SPMAP2: variants seen among roughly 807,000 people sequenced by gnomAD.
The protein encoded by SPMAP2 is Theg homolog.
the SPMAP2 span, among the ~76,000 whole-genome samples, chr19:370,722 C>T: frequency 1.9e-4 from 29 of 152,142 alleles, no homozygotes; most frequent in Admixed American, 7.2e-4. Context: ...GTGCCTGGAT[C>T]GGCAAATTCT....
the SPMAP2 span, among the ~76,000 whole-genome samples, chr19:364,173 A>G: frequency 1.3e-5 from 2 of 149,942 alleles, no homozygotes; most frequent in Non-Finnish European, 3.0e-5. Context: ...CTCTACTAAA[A>G]ATACAAAAAA....
the SPMAP2 span, chr19:374,184 T>A: frequency 6.6e-7 from 1 of 1,526,278 alleles, no homozygotes; most frequent in African/African-American, 1.4e-5. Context: ...GTTTGCTGGA[T>A]GTGGTGGCAG....
chr19:362,278 C>T, the SPMAP2 span: 1 of 1,599,530 alleles, frequency 6.3e-7, no homozygotes, highest in Non-Finnish European at 8.5e-7. Flanking sequence ...CGAGGGGACG[C>T]CTGTCGTATC....
At chr19:375,429 T>C in the SPMAP2 span, among the ~76,000 whole-genome samples, 4 of 152,296 alleles carry the variant, frequency 2.6e-5, no homozygotes, top group African/African-American at 9.6e-5. Flanking sequence ...TGCCACCAGA[T>C]AGGGGAGCGT....
the SPMAP2 span, among the ~76,000 whole-genome samples, chr19:366,055 G>T: frequency 0.024 from 3,650 of 152,128 alleles, 51 homozygotes; most frequent in Non-Finnish European, 0.028. Flanking sequence ...GCAGGAGAAT[G>T]TGTGAACCCA....
At chr19:363,337 C>T in the SPMAP2 span, among the ~76,000 whole-genome samples, 5 of 151,686 alleles carry the variant, frequency 3.3e-5, no homozygotes, top group African/African-American at 4.8e-5. Context: ...GGACTACAGA[C>T]GTGCACCACC....
the SPMAP2 span, among the ~76,000 whole-genome samples, chr19:365,992 T>C: frequency 1.3e-5 from 2 of 152,012 alleles, no homozygotes; most frequent in Non-Finnish European, 2.9e-5. Flanking sequence ...AATACAAAAA[T>C]TAGCCAGGAG....
chr19:364,624 C>T, the SPMAP2 span, among the ~76,000 whole-genome samples: 1 of 152,204 alleles, frequency 6.6e-6, no homozygotes, highest in South Asian at 2.1e-4. Context: ...CCTGGTTCAC[C>T]CCCCTCTCCA....
the SPMAP2 span, among the ~76,000 whole-genome samples, chr19:364,126 G>T: frequency 1.3e-5 from 2 of 150,914 alleles, no homozygotes; most frequent in East Asian, 2.0e-4. Context: ...AAGGTCAGGA[G>T]ATCGAGACCA....
the SPMAP2 span, among the ~76,000 whole-genome samples, chr19:363,607 C>T: frequency 3.7e-4 from 57 of 152,016 alleles, no homozygotes; most frequent in African/African-American, 1.2e-3. Context: ...GACCTTGACT[C>T]GCTGTAACCT....
the SPMAP2 span, among the ~76,000 whole-genome samples, chr19:370,871 G>A: frequency 2.6e-5 from 4 of 151,844 alleles, no homozygotes; most frequent in South Asian, 2.1e-4. Flanking sequence ...GGTACAGGGC[G>A]TAGAGCGAGG....
the SPMAP2 span, among the ~76,000 whole-genome samples, chr19:370,489 C>G: frequency 1.3e-5 from 2 of 148,704 alleles, no homozygotes; most frequent in African/African-American, 2.5e-5. Context: ...CTACAGGCGC[C>G]CGCCACCACC....
the SPMAP2 span, among the ~76,000 whole-genome samples, chr19:369,553 G>A: frequency 6.6e-6 from 1 of 152,190 alleles, no homozygotes; most frequent in Non-Finnish European, 1.5e-5. Context: ...AAGAGCCTGA[G>A]CTCCCTCTCC....
At chr19:365,921 T>C in the SPMAP2 span, among the ~76,000 whole-genome samples, 2 of 152,136 alleles carry the variant, frequency 1.3e-5, no homozygotes, top group African/African-American at 4.8e-5. Flanking sequence ...GGTGGGCGGA[T>C]CATGAGGTCA....
the SPMAP2 span, among the ~76,000 whole-genome samples, chr19:373,026 T>G: frequency 0.06 from 9,155 of 152,222 alleles, 907 homozygotes; most frequent in African/African-American, 0.21. Flanking sequence ...AAATGGGTTT[T>G]GTTCTGAAGT....
At chr19:374,361 C>T in the SPMAP2 span, 2 of 1,614,150 alleles carry the variant, frequency 1.2e-6, no homozygotes, top group Non-Finnish European at 8.5e-7. Context: ...TCCTCCGCCT[C>T]CTCCTCTTCC....
chr19:362,672 A>G, the SPMAP2 span, among the ~76,000 whole-genome samples: 17 of 149,166 alleles, frequency 1.1e-4, no homozygotes, highest in East Asian at 3.5e-3. Context: ...AGGTTGAGGC[A>G]TGAGGATGGC....
the SPMAP2 span, among the ~76,000 whole-genome samples, chr19:366,139 C>CA: frequency 0.01 from 1,470 of 141,698 alleles, 11 homozygotes; most frequent in Middle Eastern, 0.04. Flanking sequence ...GACTCCATCT[C>CA]AAAAAAAAAA....
the SPMAP2 span, among the ~76,000 whole-genome samples, chr19:364,336 C>CAAAAAAAA: frequency 1.3e-5 from 1 of 74,120 alleles, no homozygotes; most frequent in Non-Finnish European, 2.4e-5. Flanking sequence ...AGCTCTGTCT[C>CAAAAAAAA]AAAAAAAAAA....
Sources: allele counts gnomAD v4.1 joint callset (sites outside exome capture counted in the v4.1 genomes callset), GRCh38; gene constraint gnomAD v4.1.1; transcripts MANE v1.5; gene names NCBI Gene and HGNC (gene_info 2026-07-23, HGNC 2026-07-21).